Variants in GAS7 observed in about 807,000 individuals in gnomAD.
The protein encoded by GAS7 is growth arrest-specific protein 7.
Under a neutral mutation model 71.1 loss-of-function variants are expected in GAS7, and 28 were observed. That is an observed-to-expected ratio of 0.39 (90% CI 0.29 to 0.54). The LOEUF is 0.54. GAS7 is among the 20% of genes least tolerant of loss of function. The pLI, the probability that GAS7 is intolerant of heterozygous loss-of-function variation, is 0.62. For synonymous variants in GAS7, 258 were observed against 245.8 expected (o/e 1.05, Z -0.46); for missense variants, 436 against 627.8 (o/e 0.69, Z 3.27).
intron 2 of GAS7, among the ~76,000 whole-genome samples, chr17:9,993,794 C>T (rs1360530599): frequency 6.6e-6 from 1 of 150,424 alleles, no homozygotes; most frequent in African/African-American, 2.4e-5. Context: ...TTGTCTCAGC[C>T]CAAAATCTCC....
intron 1 of GAS7, among the ~76,000 whole-genome samples, chr17:10,157,749 A>C (rs1443553163): frequency 6.6e-6 from 1 of 152,102 alleles, no homozygotes; most frequent in Non-Finnish European, 1.5e-5. Context: ...CCCCGCAAAA[A>C]ATTTAAAAGC....
chr17:10,125,996 A>C (rs552835152), intron 1 of GAS7, among the ~76,000 whole-genome samples: 1 of 152,282 alleles, frequency 6.6e-6, no homozygotes, highest in South Asian at 2.1e-4. Flanking sequence ...GGTGCAACCC[A>C]TCTGTGCAGT....
chr17:10,156,032 T>C (rs2074202586), intron 1 of GAS7, among the ~76,000 whole-genome samples: 1 of 152,208 alleles, frequency 6.6e-6, no homozygotes, highest in African/African-American at 2.4e-5. Flanking sequence ...TCCTTACTTG[T>C]TCCATTGCCC....
At chr17:10,062,708 G>C (rs1403272555) in intron 1 of GAS7, among the ~76,000 whole-genome samples, 1 of 152,202 alleles carries the variant, frequency 6.6e-6, no homozygotes, top group African/African-American at 2.4e-5. Context: ...TTGCTGGTGG[G>C]TTGCTTTTTG....
At chr17:10,077,404 T>C (rs1469358368) in intron 1 of GAS7, among the ~76,000 whole-genome samples, 1 of 152,118 alleles carries the variant, frequency 6.6e-6, no homozygotes, top group Non-Finnish European at 1.5e-5. Context: ...GGAAAACAAA[T>C]GGATAAATGG....
chr17:10,011,742 C>T (rs543207358), intron 2 of GAS7, among the ~76,000 whole-genome samples: 74 of 152,150 alleles, frequency 4.9e-4, no homozygotes, highest in African/African-American at 1.7e-3. Context: ...TTTGGGAGGC[C>T]GAGGCGGGTG....
At chr17:9,941,040 C>T (rs2068583433) in intron 7 of GAS7, among the ~76,000 whole-genome samples, 1 of 152,332 alleles carries the variant, frequency 6.6e-6, no homozygotes, top group Middle Eastern at 3.4e-3. Flanking sequence ...GGGACCACAG[C>T]GTTTGCTTCC....
rs1157064988 is a variant in GAS7, at chr17:9,984,582, C to T, written c.305-2698G>A. On this transcript the variant is annotated intron_variant, in intron 2 of 13. Transcript: ENST00000432992. ...GGCAAGAGCAGGAAGCCTTGGAGAA[C>T]TTACTTCAAAGACCACTGCCCTGCT... 2.0e-5 allele frequency among the ~76,000 whole-genome samples: 3 copies of T among 152,208 alleles called. No homozygotes were observed. The East Asian group carries it at 5.8e-4, about 29-fold the overall frequency.
chr17:10,020,058 C>G, intron 1 of GAS7, 161 bp from the exon 2 acceptor site: 1 of 647,538 alleles, frequency 1.5e-6, no homozygotes, highest in South Asian at 1.8e-5. Flanking sequence ...ACGTGACCTC[C>G]GGGGTTGCGT....
intron 1 of GAS7, among the ~76,000 whole-genome samples, chr17:10,027,729 C>A (rs993329848): frequency 2.0e-5 from 3 of 152,240 alleles, no homozygotes; most frequent in Non-Finnish European, 4.4e-5. Flanking sequence ...GTCTCCAGAA[C>A]TGTGAGGAAG....
At chr17:10,075,893 G>T (rs1249051922) in intron 1 of GAS7, among the ~76,000 whole-genome samples, 1 of 151,322 alleles carries the variant, frequency 6.6e-6, no homozygotes, top group East Asian at 2.0e-4. Context: ...GAGGCTAGGA[G>T]TTTGAGACCA....
chr17:10,127,432 G>A (rs1334606266), intron 1 of GAS7, among the ~76,000 whole-genome samples: 1 of 152,120 alleles, frequency 6.6e-6, no homozygotes, highest in Admixed American at 6.6e-5. Context: ...TGCACACCGA[G>A]TCCACGGCCT....
intron 1 of GAS7, among the ~76,000 whole-genome samples, chr17:10,053,778 G>C (rs1023364935): frequency 2.6e-5 from 4 of 152,248 alleles, no homozygotes; most frequent in Admixed American, 2.0e-4. Context: ...CTCCTCTTTG[G>C]CTAGGGAGCC....
chr17:10,069,989 G>A (rs1322879235), intron 1 of GAS7, among the ~76,000 whole-genome samples: 2 of 152,196 alleles, frequency 1.3e-5, no homozygotes, highest in Admixed American at 6.5e-5. Flanking sequence ...GAAGCAAGGA[G>A]AGAACTGCAA....
intron 1 of GAS7, among the ~76,000 whole-genome samples, chr17:10,085,762 G>A (rs866695873): frequency 8.0e-5 from 12 of 150,856 alleles, no homozygotes; most frequent in Middle Eastern, 3.5e-3. Flanking sequence ...GATGTGACAA[G>A]CACTTTGACA....
At position 10,151,010 on chromosome 17, in the gene GAS7, G is replaced by A. The variant is rs1334784726; in HGVS notation, c.183+47198C>T. ...AATGGGGACAATAGTAGAACCTAAC[G>A]CATGAAGTTGTTGTTAGGATTAAAA... On this transcript the variant is annotated intron_variant, in intron 1 of 13. Transcript: ENST00000432992. 4.6e-5 allele frequency among the ~76,000 whole-genome samples: 7 copies of A among 152,130 alleles called. No homozygotes were observed. The East Asian group carries it at 5.8e-4, about 13-fold the overall frequency.
At chr17:10,003,708 G>A (rs986697421) in intron 2 of GAS7, among the ~76,000 whole-genome samples, 11 of 152,204 alleles carry the variant, frequency 7.2e-5, no homozygotes, top group African/African-American at 1.7e-4. Context: ...TGCACAGCAC[G>A]GCGCATCATC....
intron 2 of GAS7, among the ~76,000 whole-genome samples, chr17:9,994,833 G>GA (rs952135554): frequency 4.0e-5 from 6 of 151,728 alleles, no homozygotes; most frequent in African/African-American, 9.7e-5. Flanking sequence ...AAATTTACAA[G>GA]AAAAAAAACA....
intron 1 of GAS7, among the ~76,000 whole-genome samples, chr17:10,188,350 T>C (rs543970189): frequency 2.0e-4 from 31 of 152,308 alleles, no homozygotes; most frequent in Middle Eastern, 3.4e-3. Context: ...CTGGTGTACA[T>C]TGAGGTTGTT....
Sources: gnomAD v4.1 joint callset for allele counts (sites outside exome capture counted in the v4.1 genomes callset) on GRCh38, gnomAD v4.1.1 for gene constraint, MANE v1.5 for transcripts, NCBI Gene and HGNC (gene_info 2026-07-23, HGNC 2026-07-21) for gene names.